Variants in ACOX3 observed in about 807,000 individuals in gnomAD.
ACOX3 encodes peroxisomal acyl-coenzyme A oxidase 3.
ACOX3 carries 73 observed loss-of-function variants against 81.5 expected under a neutral mutation model. The observed-to-expected ratio is 0.90, with a 90% CI of 0.74 to 1.09. The LOEUF (loss-of-function observed/expected upper bound fraction) is 1.09. ACOX3 is among the 50% of genes least tolerant of loss of function. The pLI is 0.00. For synonymous variants in ACOX3, 387 were observed against 375.1 expected, an observed-to-expected ratio of 1.03 and a Z score of -0.37; for missense variants, 947 against 928.0, an observed-to-expected ratio of 1.02 and a Z score of -0.27.
At chr4:8,356,274 C>A in the ACOX3 span, 1 of 351,752 alleles carries the variant, frequency 2.8e-6, no homozygotes, top group Non-Finnish European at 5.6e-6. Context: ...CTAGACTCTG[C>A]TCCCTCATCC....
At position 8,386,393 on chromosome 4, in the gene ACOX3, C is replaced by G. The variant is rs897178835; in HGVS notation, c.1537+2780G>C. On this transcript the variant is annotated intron_variant, in intron 13 of 17. Coordinates refer to ENST00000356406, the MANE Select transcript of ACOX3 (RefSeq NM_003501.3). This position sits in a 1 kb window ranked among gnomAD's most constrained non-coding sequence, Gnocchi z 5.2. ...CATCCTGCCTAACACGGTGAAACTCCGTCTCTACTAAAAATACAAAAAATT... is the reference window on the plus strand; with the variant it reads ...CATCCTGCCTAACACGGTGAAACTCGGTCTCTACTAAAAATACAAAAAATT... Among the ~76,000 whole-genome samples, 2 of 151,826 alleles carry G rather than the reference C, an allele frequency of 1.3e-5. No individual in the cohort carries two copies. Among genetic ancestry groups the G allele is most frequent in the African/African-American group, 4.8e-5 (2 of 41,340 alleles).
At position 8,399,484 on chromosome 4, in the gene ACOX3, A is replaced by G; in HGVS notation, c.873+72T>C. 2.3e-6 allele frequency: 3 copies of G among 1,309,078 alleles called. No individual in the cohort carries two copies. Among genetic ancestry groups the G allele is most frequent in the South Asian group, 1.2e-5 (1 of 81,882 alleles). 81.1% of individuals were successfully genotyped at this position (1,309,078 alleles called of 1,614,324 possible). ...GGTCTCCTTTCCAGGTGCAGGGAGG[A>G]GCACAGAGCCAGGCCCTGCAGAGGA... On this transcript the variant is annotated intron_variant, in intron 8 of 17. Coordinates refer to ENST00000356406, the MANE Select transcript of ACOX3 (RefSeq NM_003501.3). The surrounding 1 kb of genome is among the most constrained non-coding windows in gnomAD (Gnocchi z 4.9).
At chr4:8,424,164 G>A (rs988940034) in intron 1 of ACOX3, among the ~76,000 whole-genome samples, 1 of 152,220 alleles carries the variant, frequency 6.6e-6, no homozygotes, top group Non-Finnish European at 1.5e-5. Context: ...AATTAAGAGG[G>A]TTCCTTGGCA....
rs1716622726 is a variant in ACOX3 at position 8,374,134 on chromosome 4, G to C, written c.1829-506C>G. 6.5e-5 allele frequency: 12 copies of C among 185,828 alleles called. No individual in the cohort carries two copies. In the South Asian group the frequency reaches 1.4e-3, roughly 22 times the overall value. 11.5% of individuals were successfully genotyped at this position (185,828 alleles called of 1,614,324 possible). ...GTCACCTCCAGCCGCTGTGGTTTCT[G>C]GCAGGGCCCTAAGAGGTCCAAGGCT... On this transcript the variant is annotated intron_variant, in intron 15 of 17. Coordinates refer to ENST00000356406, the MANE Select transcript of ACOX3 (RefSeq NM_003501.3).
chr4:8,392,878 G>A (rs768344872), intron 10 of ACOX3: 5 of 154,488 alleles, frequency 3.2e-5, no homozygotes, highest in Admixed American at 6.5e-5. Flanking sequence ...GACAGTGCTC[G>A]CTCCCAGGAC....
Position 8,374,993 on chromosome 4 carries a change from C to G in ACOX3, c.1813G>C (p.Ala605Pro), listed in dbSNP as rs776938682. The G allele has an allele frequency of 2.6e-6, 4 of 1,530,360 alleles. No homozygotes were observed. Among genetic ancestry groups the G allele is most frequent in the South Asian group, 1.2e-5 (1 of 83,078 alleles). The allele number at this position is 1,530,360 out of a possible 1,614,324, so 94.8% of individuals were successfully genotyped here. ...GAAGCCTCACCTCGGTAGAGCAGGG[C>G]CGCGTGGCGGCTCAGGGACCACAGG... The part of the protein sequence containing the change: ...YALWSLSRHA[A>P]LLYRGGYFSG... Residue 605 changes from alanine (A) to proline (P), a missense_variant, in exon 15 of 18, where the codon GCC becomes CCC. Coordinates refer to ENST00000356406, the MANE Select transcript of ACOX3 (RefSeq NM_003501.3).
chr4:8,421,438 G>T (rs1722934310), intron 1 of ACOX3, among the ~76,000 whole-genome samples: 1 of 152,220 alleles, frequency 6.6e-6, no homozygotes, highest in South Asian at 2.1e-4. Context: ...CAAATTCCCG[G>T]CATTGGCCGG....
In ACOX3 at chr4:8,437,611, C is replaced by G. The variant is rs1042975101; in HGVS notation, c.-15+3037G>C. ...CTTATAAAAAGAGAGATTAGCAATG[C>G]GAGAGGACGTGGACACGGATGTAGA... On this transcript the variant is annotated intron_variant, in intron 1 of 17. Transcript: ENST00000356406. This position sits in a 1 kb window ranked among gnomAD's most constrained non-coding sequence, Gnocchi z 5.2. 4.6e-5 allele frequency among the ~76,000 whole-genome samples: 7 copies of G among 152,214 alleles called. No homozygotes were observed. The highest frequency in any genetic ancestry group is 1.7e-4 in the African/African-American group (7 of 41,536).
At chr4:8,383,365 G>C (rs1408031173) in intron 13 of ACOX3, among the ~76,000 whole-genome samples, 1 of 152,256 alleles carries the variant, frequency 6.6e-6, no homozygotes, top group African/African-American at 2.4e-5. Context: ...TTGTTGGGAA[G>C]AGGGTCTTTG....
rs754142350 is a variant in ACOX3 at position 8,407,361 on chromosome 4, C to T, written c.688-1318G>A. 3.9e-5 allele frequency among the ~76,000 whole-genome samples: 6 copies of T among 152,224 alleles called. No individual in the cohort carries two copies. Among genetic ancestry groups the T allele is most frequent in the Admixed American group, 6.5e-5 (1 of 15,292 alleles). ...ATTACACTGGAACAGCTCGTGTCCT[C>T]AGTCTCTTGCCTCGGCACCTGGGTG... On this transcript the variant is annotated intron_variant, in intron 6 of 17. Coordinates refer to ENST00000356406, the MANE Select transcript of ACOX3 (RefSeq NM_003501.3). The surrounding 1 kb of genome is among the most constrained non-coding windows in gnomAD (Gnocchi z 4.6).
intron 1 of ACOX3, among the ~76,000 whole-genome samples, chr4:8,426,840 C>T (rs909527558): frequency 6.6e-6 from 1 of 152,118 alleles, no homozygotes; most frequent in African/African-American, 2.4e-5. Flanking sequence ...CTAAGATCTA[C>T]CGTGGACCCC....
chr4:8,391,170 C>T (rs1470886394), intron 11 of ACOX3, among the ~76,000 whole-genome samples: 1 of 152,110 alleles, frequency 6.6e-6, no homozygotes, highest in African/African-American at 2.4e-5. Context: ...GTTACAAAGA[C>T]AAAAACTACT....
chr4:8,433,284 T>G (rs1724050221), intron 1 of ACOX3, among the ~76,000 whole-genome samples: 1 of 152,252 alleles, frequency 6.6e-6, no homozygotes. Flanking sequence ...TGGATTAGGG[T>G]TGGCCCTAAT....
chr4:8,374,087 G>A (rs892121966), intron 15 of ACOX3: 8 of 196,012 alleles, frequency 4.1e-5, no homozygotes, highest in South Asian at 9.8e-5. Context: ...CTCAGAGGCC[G>A]CAGGGGGACT....
intron 1 of ACOX3, among the ~76,000 whole-genome samples, chr4:8,434,261 A>G (rs1213682494): frequency 6.6e-6 from 1 of 152,246 alleles, no homozygotes; most frequent in Non-Finnish European, 1.5e-5. Flanking sequence ...CAGGCCAAGA[A>G]TTTCTTTTTC....
intron 1 of ACOX3, among the ~76,000 whole-genome samples, chr4:8,433,813 G>A (rs1300584761): frequency 6.6e-6 from 1 of 152,158 alleles, no homozygotes; most frequent in Non-Finnish European, 1.5e-5. Context: ...TTTTACTAGA[G>A]ATTCTGCAGA....
chr4:8,373,129 G>A (rs1683130861), intron 16 of ACOX3, among the ~76,000 whole-genome samples: 3 of 152,208 alleles, frequency 2.0e-5, no homozygotes, highest in Non-Finnish European at 4.4e-5. Flanking sequence ...TGGAGGCTGA[G>A]TCCCCCGAAT....
chr4:8,377,133 A>G (rs1717066300), intron 14 of ACOX3, among the ~76,000 whole-genome samples: 1 of 152,110 alleles, frequency 6.6e-6, no homozygotes, highest in Non-Finnish European at 1.5e-5. Context: ...ACGTGCTCCC[A>G]CACCACGAGG....
chr4:8,406,816 A>G lies in ACOX3; in HGVS notation c.688-773T>C, dbSNP rs974931054. Among the ~76,000 whole-genome samples the G allele has an allele frequency of 8.5e-5, 13 of 152,192 alleles. 1 individual carries two copies. The highest frequency in any genetic ancestry group is 1.6e-4 in the Non-Finnish European group (11 of 68,034). ...TAGAAGGCAGAGCCAGGTGTACAGG[A>G]TGGAACATGAAGGTGGACTAGGAGC... is the stretch of plus-strand genomic sequence containing the variant. On this transcript the variant is annotated intron_variant, in intron 6 of 17. Coordinates refer to ENST00000356406, the MANE Select transcript of ACOX3 (RefSeq NM_003501.3). The surrounding 1 kb of genome is among the most constrained non-coding windows in gnomAD (Gnocchi z 5.6).
Sources: allele counts gnomAD v4.1 joint callset (sites outside exome capture counted in the v4.1 genomes callset), GRCh38; gene constraint gnomAD v4.1.1; non-coding constraint Gnocchi (gnomAD v3.1); transcripts MANE v1.5; gene names NCBI Gene and HGNC (gene_info 2026-07-23, HGNC 2026-07-21).